The following SAMM50 variants were observed in gnomAD, a reference collection of about 807,000 sequenced individuals.
SAMM50 encodes the protein sorting and assembly machinery component 50 homolog.
SAMM50 carries 47 observed loss-of-function variants against 66.9 expected under a neutral mutation model. That is an observed-to-expected ratio of 0.70 (90% CI 0.56 to 0.90). The LOEUF is 0.90. Among genes scored for constraint, SAMM50 ranks in the 40% least tolerant of loss-of-function variants. SAMM50 has a pLI of 0.00. For synonymous variants in SAMM50, 191 were observed against 214.1 expected (o/e 0.89, Z 0.94); for missense variants, 535 against 595.3 (o/e 0.90, Z 1.05).
In SAMM50 at chr22:43,983,848, T is replaced by C. The variant is rs911262866; in HGVS notation, c.1008-85T>C. ...GATAATCTAGTATCGAATGTGAGTC[T>C]GACATGTGTTTCCTACGCGTTCCGT... On this transcript the variant is annotated intron_variant, in intron 11 of 14. Transcript: ENST00000350028. This position sits in a 1 kb window ranked among gnomAD's most constrained non-coding sequence, Gnocchi z 4.2. 2.1e-5 allele frequency: 19 copies of C among 916,682 alleles called. No individual in the cohort carries two copies. In the African/African-American group the frequency reaches 2.9e-4, roughly 14 times the overall value. The allele number at this position is 916,682 out of a possible 1,614,324, so 56.8% of individuals were successfully genotyped here.
At chr22:43,962,021 A>G (rs573125545) in intron 1 of SAMM50, among the ~76,000 whole-genome samples, 3 of 152,062 alleles carry the variant, frequency 2.0e-5, no homozygotes, top group African/African-American at 4.8e-5. Flanking sequence ...TGTGTATGTG[A>G]TATTATGTTT....
Position 43,977,912 on chromosome 22 carries a change from A to G in SAMM50, c.890A>G (p.Lys297Arg). Residue 297 changes from lysine to arginine, a missense_variant, in exon 10 of 15, where the codon AAA becomes AGA. Coordinates refer to ENST00000350028, the MANE Select transcript of SAMM50 (RefSeq NM_015380.5). ...ACTGGCGGGGATGTGAGCTTCATCA[A>G]AGAAGATTTTGAACTTCAGTTGAAC... ...GYTGGDVSFIKEDFELQLNKQ... is the reference protein window; with the variant it reads ...GYTGGDVSFIREDFELQLNKQ... 2 of 1,613,418 alleles carry G rather than the reference A, an allele frequency of 1.2e-6. No individual in the cohort carries two copies. The highest frequency in any genetic ancestry group is 1.3e-5 in the African/African-American group (1 of 75,056).
rs752743043 is a variant in SAMM50, at chr22:43,976,141, T to C, written c.735T>C (p.Ala245=). ...GCCTCTCAAGGACGGCGTCATTTGCTGTTCGAAAAGAAAGCGGACATTCAC... is the reference window on the plus strand; with the variant it reads ...GCCTCTCAAGGACGGCGTCATTTGCCGTTCGAAAAGAAAGCGGACATTCAC... ...LGCLSRTASF[A]VRKESGHSLK... is the part of the protein sequence containing the mutation. Residue 245 remains alanine, a synonymous_variant, in exon 8 of 15, where the codon GCT becomes GCC. Coordinates refer to ENST00000350028, the MANE Select transcript of SAMM50 (RefSeq NM_015380.5). 1 of 1,610,310 alleles carries C rather than the reference T, an allele frequency of 6.2e-7. No homozygotes were observed. Among genetic ancestry groups the C allele is most frequent in the Non-Finnish European group, 8.5e-7 (1 of 1,176,734 alleles).
chr22:43,972,145 C>A lies in SAMM50; in HGVS notation c.323-91C>A, dbSNP rs1603419090. On this transcript the variant is annotated intron_variant, in intron 4 of 14. Coordinates refer to ENST00000350028, the MANE Select transcript of SAMM50 (RefSeq NM_015380.5). ...AAAGGAGATTGTAAAATAGAATGAA[C>A]CTTCAGATTGCTTTTTGTCTTTTTT... 1.4e-5 allele frequency: 9 copies of A among 658,794 alleles called. No individual in the cohort carries two copies. In the East Asian group the frequency reaches 2.0e-4, roughly 15 times the overall value. 40.8% of individuals were successfully genotyped at this position (658,794 alleles called of 1,614,324 possible).
intron 4 of SAMM50, among the ~76,000 whole-genome samples, chr22:43,970,857 T>G (rs1032954556): frequency 2.0e-5 from 3 of 151,094 alleles, no homozygotes; most frequent in Admixed American, 2.0e-4. Flanking sequence ...AAATAAAAAA[T>G]AAAAAAAGAA....
At chr22:43,989,593 T>C (rs2050312467) in intron 13 of SAMM50, among the ~76,000 whole-genome samples, 1 of 152,084 alleles carries the variant, frequency 6.6e-6, no homozygotes, top group Non-Finnish European at 1.5e-5. Flanking sequence ...CCCCCTTGGA[T>C]TCCCAAAGTG....
intron 3 of SAMM50, 33 bp from the exon 4 acceptor site, chr22:43,968,698 T>C: frequency 1.4e-6 from 2 of 1,442,970 alleles, no homozygotes; most frequent in Non-Finnish European, 2.0e-6. Flanking sequence ...CGTAGAAGAA[T>C]ATATTCCTTG....
In SAMM50 at chr22:43,972,991, T is replaced by C; in HGVS notation, c.550T>C (p.Phe184Leu). 1 of 1,588,604 alleles carries C rather than the reference T, an allele frequency of 6.3e-7. No homozygotes were observed. Among genetic ancestry groups the C allele is most frequent in the Non-Finnish European group, 8.5e-7 (1 of 1,174,032 alleles). Residue 184 changes from phenylalanine to leucine, a missense_variant, in exon 6 of 15, where the codon TTC becomes CTC. By Grantham distance (22) the Phe-to-Leu change is conservative (BLOSUM62 0). Transcript: ENST00000350028. Reference protein sequence around the residue: ...LSFFKPRPGNFERNFSVNLYK... With the variant: ...LSFFKPRPGNLERNFSVNLYK... ...CTTCTTCAAACCACGGCCCGGAAACTTCGAAAGAAAGTAGGAAGCCCAACA... is the reference window on the plus strand; with the variant it reads ...CTTCTTCAAACCACGGCCCGGAAACCTCGAAAGAAAGTAGGAAGCCCAACA...
chr22:43,991,770 G>A lies in SAMM50; in HGVS notation c.1364+1364G>A, dbSNP rs535621717. ...TGCTGTTGGGTTCTCTTCTTGGCTC[G>A]CAGATGGCAGCCTTGCCACTGTGTC... On this transcript the variant is annotated intron_variant, in intron 14 of 14. Transcript: ENST00000350028. 4.6e-5 allele frequency among the ~76,000 whole-genome samples: 7 copies of A among 152,294 alleles called. No homozygotes were observed. The East Asian group carries it at 7.7e-4, about 17-fold the overall frequency.
chr22:43,979,365 C>T (rs962571326), intron 10 of SAMM50, among the ~76,000 whole-genome samples: 1 of 151,794 alleles, frequency 6.6e-6, no homozygotes, highest in Non-Finnish European at 1.5e-5. Context: ...ATTGCCTTCC[C>T]CACAAATCTG....
chr22:43,989,404 T>C, intron 13 of SAMM50, 147 bp downstream of exon 13: 1 of 801,140 alleles, frequency 1.2e-6, no homozygotes, highest in Non-Finnish European at 1.9e-6. Context: ...TGGCGCAATC[T>C]CGGCTCACTG....
intron 10 of SAMM50, among the ~76,000 whole-genome samples, chr22:43,978,750 G>T (rs1014603229): frequency 6.6e-6 from 1 of 152,092 alleles, no homozygotes; most frequent in South Asian, 2.1e-4. Context: ...AGGCTGGGAG[G>T]GCACCTGGCA....
At position 43,989,148 on chromosome 22, in the gene SAMM50, C is replaced by T. The variant is rs200769218; in HGVS notation, c.1113C>T (p.Gly371=). ...YLGGEAYWAG[G]LHLYTPLPFR... ...GTGGAGAAGCGTACTGGGCCGGCGG[C>T]CTGCACCTCTACACCCCATTACCTT... The change falls in exon 13 of 15, where the codon GGC becomes GGT. Residue 371 remains glycine, a synonymous_variant. Transcript: ENST00000350028. 1 of 1,614,146 alleles carries T rather than the reference C, an allele frequency of 6.2e-7. No homozygotes were observed. Among genetic ancestry groups the T allele is most frequent in the East Asian group, 2.2e-5 (1 of 44,878 alleles).
At chr22:43,958,160 CT>C (rs1371729033) in intron 1 of SAMM50, among the ~76,000 whole-genome samples, 1 of 152,212 alleles carries the variant, frequency 6.6e-6, no homozygotes, top group African/African-American at 2.4e-5. Flanking sequence ...ATATTCCCAT[CT>C]TTTAGAACTC....
chr22:43,964,332 G>A (rs2050162156), intron 2 of SAMM50, 120 bp from the exon 3 acceptor site: 2 of 593,630 alleles, frequency 3.4e-6, no homozygotes, highest in South Asian at 2.3e-5. Flanking sequence ...GGTAAGAAGT[G>A]TGGATTATTA....
intron 1 of SAMM50, 111 bp downstream of exon 1, chr22:43,955,709 T>A: frequency 1.7e-6 from 2 of 1,210,660 alleles, no homozygotes; most frequent in Non-Finnish European, 2.3e-6. Context: ...GGAGAGAGGG[T>A]GCCAAGGGTG....
At chr22:43,975,351 C>A (rs1333658664) in intron 7 of SAMM50, 4 of 152,346 alleles carry the variant, frequency 2.6e-5, no homozygotes, top group African/African-American at 7.2e-5. Flanking sequence ...CATGGGACAC[C>A]CCCTGGGGAG....
At chr22:43,993,608 A>C (rs753541179) in intron 14 of SAMM50, among the ~76,000 whole-genome samples, 2 of 152,234 alleles carry the variant, frequency 1.3e-5, no homozygotes, top group Non-Finnish European at 2.9e-5. Context: ...GCAGCTGTTC[A>C]GATGTTTATT....
At chr22:43,989,499 G>A (rs1257850615) in intron 13 of SAMM50, among the ~76,000 whole-genome samples, 1 of 152,106 alleles carries the variant, frequency 6.6e-6, no homozygotes. Context: ...ATCACGCCCG[G>A]CTAATTTTTT....
Sources: gnomAD v4.1 joint callset for allele counts (sites outside exome capture counted in the v4.1 genomes callset) on GRCh38, gnomAD v4.1.1 for gene constraint, Gnocchi (gnomAD v3.1) non-coding constraint, MANE v1.5 for transcripts, NCBI Gene and HGNC (gene_info 2026-07-23, HGNC 2026-07-21) for gene names.